Variants in ANXA4 observed in about 807,000 individuals in gnomAD.
ANXA4 encodes the protein annexin A4, also known as 35-beta calcimedin.
In ANXA4, 39 loss-of-function variants were observed where a neutral mutation model predicts 49.8. The ratio of observed to expected loss-of-function variants is 0.78; its 90% CI spans 0.61 to 1.02. ANXA4 has a LOEUF of 1.02. Among genes scored for constraint, ANXA4 ranks in the 50% least tolerant of loss-of-function variants. The pLI, the probability that ANXA4 is intolerant of heterozygous loss-of-function variation, is 0.00. For synonymous variants in ANXA4, 134 were observed against 152.5 expected (o/e 0.88, Z 0.89); for missense variants, 360 against 410.1 (o/e 0.88, Z 1.05).
intron 1 of ANXA4, among the ~76,000 whole-genome samples, chr2:69,757,238 T>TTTTTTA (rs1267602375): frequency 1.7e-5 from 1 of 59,060 alleles, no homozygotes; most frequent in South Asian, 7.9e-4. Context: ...CATTTTTGTT[T>TTTTTTA]TATATATATA....
intron 2 of ANXA4, among the ~76,000 whole-genome samples, chr2:69,707,531 C>G (rs6726700): frequency 0.073 from 11,091 of 152,124 alleles, 1,374 homozygotes; most frequent in African/African-American, 0.25. Flanking sequence ...ATCTCATAAC[C>G]GTGGAACCCC....
intron 1 of ANXA4, among the ~76,000 whole-genome samples, chr2:69,772,707 T>C (rs1344193899): frequency 3.3e-5 from 5 of 152,166 alleles, no homozygotes; most frequent in Non-Finnish European, 7.4e-5. Context: ...CTGCATTTAT[T>C]TGTATATTCT....
chr2:69,723,976 C>T (rs1195945122), intron 3 of ANXA4, among the ~76,000 whole-genome samples: 2 of 152,188 alleles, frequency 1.3e-5, no homozygotes, highest in Non-Finnish European at 2.9e-5. Flanking sequence ...GAAATGGGGC[C>T]GGGCGCGGTG....
rs556075084 is a variant in ANXA4 at position 69,816,962 on chromosome 2, A to G, written c.628+768A>G. On this transcript the variant is annotated intron_variant, in intron 9 of 12. Transcript: ENST00000394295. The stretch of plus-strand genomic sequence containing the variant: ...TGAAAACATAAAGCAATTGAGAAGT[A>G]CAACACATTCTGAAGTTGTAATTAT... 7.2e-5 allele frequency: 11 copies of G among 152,370 alleles called. 1 individual carries two copies. The South Asian group carries it at 2.1e-3, about 29-fold the overall frequency. The allele number at this position is 152,370 out of a possible 1,614,324, so 9.4% of individuals were successfully genotyped here.
intron 1 of ANXA4, among the ~76,000 whole-genome samples, chr2:69,759,254 T>C (rs1212405674): frequency 6.6e-6 from 1 of 151,870 alleles, no homozygotes; most frequent in Non-Finnish European, 1.5e-5. Context: ...ATAATAAATA[T>C]GGTGATTGTA....
intron 2 of ANXA4, among the ~76,000 whole-genome samples, chr2:69,718,980 CTTTT>C (rs796398605): frequency 7.0e-6 from 1 of 143,884 alleles, no homozygotes; most frequent in Non-Finnish European, 1.5e-5. Flanking sequence ...AGCTACCCTC[CTTTT>C]TTTTTTTTTT....
In ANXA4 at chr2:69,788,094, A is replaced by G; in HGVS notation, c.50A>G (p.Asn17Ser). The G allele has an allele frequency of 1.2e-6, 2 of 1,614,054 alleles. No homozygotes were observed. Among genetic ancestry groups the G allele is most frequent in the East Asian group, 2.2e-5 (1 of 44,878 alleles). ...GGTVKAASGFNAMEDAQTLRK... is the reference protein window; with the variant it reads ...GGTVKAASGFSAMEDAQTLRK... ...ACTGTCAAAGCTGCTTCAGGATTCA[A>G]TGCCATGGAAGATGCCCAGACCCTG... The change falls in exon 3 of 13, where the codon AAT (asparagine) becomes AGT (serine). Residue 17 changes from asparagine to serine, a missense_variant. Physicochemically the swap from Asn to Ser is conservative, Grantham distance 46 (BLOSUM62 1). Coordinates refer to ENST00000394295, the MANE Select transcript of ANXA4 (RefSeq NM_001153.5).
intron 1 of ANXA4, among the ~76,000 whole-genome samples, chr2:69,771,113 A>G (rs1424028390): frequency 1.3e-5 from 2 of 151,314 alleles, no homozygotes; most frequent in African/African-American, 2.4e-5. Context: ...AAAAAAGAAA[A>G]AAAAAAAAAA....
intron 3 of ANXA4, among the ~76,000 whole-genome samples, chr2:69,800,146 T>C (rs2103784515): frequency 6.6e-6 from 1 of 152,348 alleles, no homozygotes; most frequent in Middle Eastern, 3.4e-3. Context: ...CAAGTCTGAT[T>C]CCAGAGCTGG....
chr2:69,822,295 G>A (rs921154453), intron 12 of ANXA4, among the ~76,000 whole-genome samples: 4 of 152,158 alleles, frequency 2.6e-5, no homozygotes, highest in East Asian at 1.9e-4. Context: ...TGGGGAGGTC[G>A]AGGCTGCAGT....
chr2:69,673,631 T>C (rs1441198626), intron 2 of ANXA4, among the ~76,000 whole-genome samples: 1 of 151,398 alleles, frequency 6.6e-6, no homozygotes, highest in Non-Finnish European at 1.5e-5. Flanking sequence ...GTTCTGCACA[T>C]GTACCCCAGA....
intron 2 of ANXA4, among the ~76,000 whole-genome samples, chr2:69,665,892 G>C (rs1676913843): frequency 6.6e-6 from 1 of 152,092 alleles, no homozygotes. Flanking sequence ...GCAATAAAAA[G>C]CAACAAATAA....
chr2:69,808,094 A>G, intron 6 of ANXA4, 98 bp downstream of exon 6: 1 of 1,156,924 alleles, frequency 8.6e-7, no homozygotes, highest in Non-Finnish European at 1.3e-6. Context: ...TTTTCACAGA[A>G]CGCTGAGCAT....
intron 2 of ANXA4, among the ~76,000 whole-genome samples, chr2:69,708,055 G>C (rs1678554364): frequency 6.6e-6 from 1 of 152,178 alleles, no homozygotes; most frequent in African/African-American, 2.4e-5. Flanking sequence ...GCCCAACATA[G>C]AACATAATCG....
At chr2:69,781,660 A>G (rs1672205028) in intron 2 of ANXA4, 86 bp downstream of exon 2, 1 of 1,459,110 alleles carries the variant, frequency 6.9e-7, no homozygotes, top group Admixed American at 1.7e-5. Context: ...GCTTAAACAA[A>G]GCATTGTTTA....
At chr2:69,791,610 A>G (rs562685017) in intron 3 of ANXA4, among the ~76,000 whole-genome samples, 1 of 152,352 alleles carries the variant, frequency 6.6e-6, no homozygotes, top group African/African-American at 2.4e-5. Flanking sequence ...TTCTAAGAAT[A>G]AGTGAAGAAT....
At chr2:69,707,652 A>G (rs1678539719) in intron 2 of ANXA4, among the ~76,000 whole-genome samples, 1 of 152,244 alleles carries the variant, frequency 6.6e-6, no homozygotes, top group South Asian at 2.1e-4. Flanking sequence ...ATGTTTTGAT[A>G]CAGGCATGCT....
intron 3 of ANXA4, among the ~76,000 whole-genome samples, chr2:69,725,071 C>T (rs1228478551): frequency 6.6e-6 from 1 of 152,152 alleles, no homozygotes; most frequent in Non-Finnish European, 1.5e-5. Context: ...TGCAGTCAGC[C>T]GATGTTTAAA....
intron 1 of ANXA4, among the ~76,000 whole-genome samples, chr2:69,772,281 T>G (rs1276195594): frequency 6.6e-6 from 1 of 152,232 alleles, no homozygotes; most frequent in Non-Finnish European, 1.5e-5. Context: ...ATTGTGGACT[T>G]GGTCACAATG....
Sources: allele counts gnomAD v4.1 joint callset (sites outside exome capture counted in the v4.1 genomes callset), GRCh38; gene constraint gnomAD v4.1.1; transcripts MANE v1.5; gene names NCBI Gene and HGNC (gene_info 2026-07-23, HGNC 2026-07-21).